Variants in GALNT14 observed in about 807,000 individuals in gnomAD.
The protein encoded by GALNT14 is UDP-GalNAc:polypeptide N-acetylgalactosaminyltransferase 14.
GALNT14 carries 60 observed loss-of-function variants against 77.5 expected under a neutral mutation model. The ratio of observed to expected loss-of-function variants is 0.77; its 90% CI spans 0.63 to 0.96. The LOEUF (loss-of-function observed/expected upper bound fraction) is 0.96. GALNT14 is among the 40% of genes least tolerant of loss of function. The probability of loss-of-function intolerance (pLI) is 0.00; values close to 1 mark genes in which losing one functional copy is unlikely to be tolerated. For missense variants in GALNT14, 710 were observed against 731.0 expected, an observed-to-expected ratio of 0.97 and a Z score of 0.33; for synonymous variants, 280 against 281.7, an observed-to-expected ratio of 0.99 and a Z score of 0.06.
Position 30,955,684 on chromosome 2 carries a change from AGTCAGAGTG to A in GALNT14, c.579_587del (p.Thr194_Thr196del). ...TCACCTCACAGTGGCTGTCGAGGAA[AGTCAGAGTG>A]GTGCCCTGGGCGATGTCAGCGCCCC... is the stretch of plus-strand genomic sequence containing the variant. On this transcript the variant is annotated inframe_deletion, in exon 6 of 15. Transcript: ENST00000349752. The A allele has an allele frequency of 1.2e-6, 2 of 1,614,212 alleles. No homozygotes were observed. The highest frequency in any genetic ancestry group is 1.7e-6 in the Non-Finnish European group (2 of 1,180,028).
At chr2:30,912,152 T>A in intron 14 of GALNT14, 71 bp downstream of exon 14, 2 of 1,570,512 alleles carry the variant, frequency 1.3e-6, no homozygotes, top group Non-Finnish European at 1.7e-6. Flanking sequence ...TTCCTGCTCA[T>A]CAGACTAAGC....
rs140659655 is a variant in GALNT14 at position 30,920,630 on chromosome 2, T to TACACAC, written c.1380+3483_1380+3488dup. On this transcript the variant is annotated intron_variant, in intron 13 of 14. Transcript: ENST00000349752. ...AAGTCAGTCCTATGAGAGTGTATGC[T>TACACAC]ACACACACACACACACACACACACA... 6.0e-3 allele frequency among the ~76,000 whole-genome samples: 876 copies of TACACAC among 145,182 alleles called. 14 individuals carry two copies. The highest frequency in any genetic ancestry group is 0.03 in the South Asian group (134 of 4,460).
chr2:31,137,227 C>T (rs951802193), intron 1 of GALNT14, among the ~76,000 whole-genome samples: 1 of 152,258 alleles, frequency 6.6e-6, no homozygotes, highest in Non-Finnish European at 1.5e-5. Flanking sequence ...TTTCCCCCTA[C>T]AGGGCTCTGA....
intron 1 of GALNT14, among the ~76,000 whole-genome samples, chr2:31,091,707 C>T (rs1257642797): frequency 6.6e-6 from 1 of 152,216 alleles, no homozygotes; most frequent in Non-Finnish European, 1.5e-5. Flanking sequence ...GATTCACAGA[C>T]AGCCATCTTC....
chr2:31,088,459 C>T (rs79001757), intron 1 of GALNT14, among the ~76,000 whole-genome samples: 8,358 of 152,148 alleles, frequency 0.055, 228 homozygotes, highest in South Asian at 0.085. Flanking sequence ...CTTGGCGTCT[C>T]GTGGTCCTTC....
intron 2 of GALNT14, among the ~76,000 whole-genome samples, chr2:30,992,347 G>A (rs936263130): frequency 2.0e-5 from 3 of 152,160 alleles, no homozygotes; most frequent in African/African-American, 4.8e-5. Flanking sequence ...AGAACCAATG[G>A]CAAGCTGGCT....
intron 1 of GALNT14, among the ~76,000 whole-genome samples, chr2:31,068,380 A>G (rs10189705): frequency 0.64 from 96,628 of 151,596 alleles, 32,094 homozygotes; most frequent in African/African-American, 0.84. Context: ...CCAGCTATTC[A>G]GGAGGCTGAG....
chr2:30,986,685 C>G (rs1669319967), intron 2 of GALNT14, among the ~76,000 whole-genome samples: 1 of 152,214 alleles, frequency 6.6e-6, no homozygotes, highest in African/African-American at 2.4e-5. Flanking sequence ...CAGAACTCCT[C>G]TGGACAATCA....
intron 1 of GALNT14, among the ~76,000 whole-genome samples, chr2:31,103,674 T>C (rs1049416674): frequency 2.0e-5 from 3 of 152,188 alleles, no homozygotes; most frequent in African/African-American, 7.2e-5. Context: ...TTTTACTCCC[T>C]GCTATTATAG....
At chr2:30,935,682 C>T (rs1023760979) in intron 9 of GALNT14, among the ~76,000 whole-genome samples, 8 of 152,174 alleles carry the variant, frequency 5.3e-5, no homozygotes, top group Non-Finnish European at 1.2e-4. Context: ...GTGGGATATA[C>T]AGGTGCTCTA....
intron 1 of GALNT14, among the ~76,000 whole-genome samples, chr2:31,048,798 G>T (rs1196399804): frequency 1.3e-5 from 2 of 152,030 alleles, no homozygotes; most frequent in African/African-American, 4.8e-5. Flanking sequence ...TGTAGGCCAG[G>T]TCAACTCCCT....
At chr2:31,089,477 AG>A (rs1387744292) in intron 1 of GALNT14, among the ~76,000 whole-genome samples, 10 of 152,154 alleles carry the variant, frequency 6.6e-5, no homozygotes, top group African/African-American at 2.4e-4. Flanking sequence ...CCAGCTGCTA[AG>A]GGGTTAGCCA....
At chr2:31,026,465 G>C (rs1052928118) in intron 1 of GALNT14, among the ~76,000 whole-genome samples, 1 of 152,190 alleles carries the variant, frequency 6.6e-6, no homozygotes, top group Non-Finnish European at 1.5e-5. Context: ...AAGGAGCGTG[G>C]CCTGTGATAG....
At chr2:30,946,211 C>G (rs899931262) in intron 6 of GALNT14, among the ~76,000 whole-genome samples, 2 of 152,124 alleles carry the variant, frequency 1.3e-5, no homozygotes, top group Non-Finnish European at 2.9e-5. Flanking sequence ...AAGGCCTTCA[C>G]CACGAGTGGG....
intron 13 of GALNT14, among the ~76,000 whole-genome samples, chr2:30,916,748 G>A (rs1275747869): frequency 6.6e-6 from 1 of 152,126 alleles, no homozygotes; most frequent in Non-Finnish European, 1.5e-5. Context: ...GTCTTGCACA[G>A]GATGGCGAAG....
intron 1 of GALNT14, among the ~76,000 whole-genome samples, chr2:31,060,027 G>A (rs931744662): frequency 7.2e-5 from 11 of 152,042 alleles, no homozygotes; most frequent in Non-Finnish European, 1.0e-4. Flanking sequence ...ATCCCTTTCC[G>A]CTCCCTGCAC....
rs17010606 is a variant in GALNT14 at position 31,039,653 on chromosome 2, T to G, written c.130-46646A>C. On this transcript the variant is annotated intron_variant, in intron 1 of 14. Coordinates refer to ENST00000349752, the MANE Select transcript of GALNT14 (RefSeq NM_024572.4). The stretch of plus-strand genomic sequence containing the variant: ...CCTATTTGCCTAGTCCTGTCATTTA[T>G]GAAGGGAGAAGAATCCATATTAGAA... 4.9e-3 allele frequency among the ~76,000 whole-genome samples: 740 copies of G among 151,860 alleles called. 6 individuals carry two copies. Among genetic ancestry groups the G allele is most frequent in the African/African-American group, 0.017 (705 of 41,410 alleles).
rs561861286 is a variant in GALNT14 at position 31,080,384 on chromosome 2, C to A, written c.129+57574G>T. Among the ~76,000 whole-genome samples, 6 of 152,280 alleles carry A rather than the reference C, an allele frequency of 3.9e-5. No individual in the cohort carries two copies. The East Asian group carries it at 1.2e-3, about 29-fold the overall frequency. ...AATTATTTGTTGTTTTGTTGAAATTCCAGTTCAACTGGGTGTACTCTATTT... is the reference window on the plus strand; with the variant it reads ...AATTATTTGTTGTTTTGTTGAAATTACAGTTCAACTGGGTGTACTCTATTT... On this transcript the variant is annotated intron_variant, in intron 1 of 14. Coordinates refer to ENST00000349752, the MANE Select transcript of GALNT14 (RefSeq NM_024572.4).
At chr2:30,893,589 A>T in the GALNT14 span, among the ~76,000 whole-genome samples, 2 of 152,256 alleles carry the variant, frequency 1.3e-5, no homozygotes, top group South Asian at 4.1e-4. Flanking sequence ...CATGGCATGA[A>T]GTCAATAGAT....
Sources: allele counts gnomAD v4.1 joint callset (sites outside exome capture counted in the v4.1 genomes callset), GRCh38; gene constraint gnomAD v4.1.1; transcripts MANE v1.5; gene names NCBI Gene and HGNC (gene_info 2026-07-23, HGNC 2026-07-21).